Variants in ATP5F1A observed in about 807,000 individuals in gnomAD.
ATP5F1A encodes ATP synthase F1 subunit alpha.
In ATP5F1A, 24 loss-of-function variants were observed where a neutral mutation model predicts 57.4. The ratio of observed to expected loss-of-function variants is 0.42; its 90% CI spans 0.30 to 0.59. The LOEUF (loss-of-function observed/expected upper bound fraction) is 0.59, where lower values mean the gene tolerates loss of function less well. Among genes scored for constraint, ATP5F1A ranks in the 20% least tolerant of loss-of-function variants. The probability of loss-of-function intolerance (pLI) is 0.19; values close to 1 mark genes in which losing one functional copy is unlikely to be tolerated. For missense variants in ATP5F1A, 494 were observed against 707.9 expected, an observed-to-expected ratio of 0.70 and a Z score of 3.43; for synonymous variants, 251 against 255.5, an observed-to-expected ratio of 0.98 and a Z score of 0.17.
chr18:46,087,124 T>G lies in ATP5F1A; in HGVS notation c.1060A>C (p.Lys354Gln). Reference protein sequence around the residue: ...LHSRLLERAAKMNDAFGGGSL... With the variant: ...LHSRLLERAAQMNDAFGGGSL... ...CCACCACCAAAAGCATCGTTCATTT[T>G]GGCTGCTCTCTCCAGCAACCGGGAG... The change falls in exon 8 of 12, where the codon AAA (lysine) becomes CAA (glutamine). Residue 354 changes from lysine (K) to glutamine (Q), a missense_variant. Lys to Gln is a moderately conservative substitution (Grantham distance 53, BLOSUM62 1). Coordinates refer to ENST00000398752, the MANE Select transcript of ATP5F1A (RefSeq NM_004046.6). 6.2e-7 allele frequency: 1 copy of G among 1,614,186 alleles called. No individual in the cohort carries two copies. The highest frequency in any genetic ancestry group is 8.5e-7 in the Non-Finnish European group (1 of 1,179,988).
intron 1 of ATP5F1A, among the ~76,000 whole-genome samples, chr18:46,096,648 AAAG>A (rs1259322787): frequency 3.3e-5 from 5 of 150,682 alleles, no homozygotes; most frequent in Non-Finnish European, 7.4e-5. Context: ...GGCAAAACTC[AAAG>A]TAGTTCCAAT....
intron 5 of ATP5F1A, 104 bp downstream of exon 5, chr18:46,089,462 A>T: frequency 7.6e-7 from 1 of 1,322,990 alleles, no homozygotes. Flanking sequence ...TCCTCGTATT[A>T]GATTCTAATG....
intron 1 of ATP5F1A, among the ~76,000 whole-genome samples, chr18:46,095,498 G>C (rs375748107): frequency 3.3e-5 from 5 of 151,580 alleles, no homozygotes; most frequent in East Asian, 2.0e-4. Context: ...TATATTTTTA[G>C]TAGAGACGGG....
chr18:46,099,991 C>T (rs1008821325), upstream of ATP5F1A, among the ~76,000 whole-genome samples: 1 of 152,000 alleles, frequency 6.6e-6, no homozygotes, highest in African/African-American at 2.4e-5. Context: ...TGGCTCACGC[C>T]TGTAATCCCA....
chr18:46,098,366 CCTCT>C (rs58640910), upstream of ATP5F1A: 2,163 of 1,253,144 alleles, frequency 1.7e-3, 45 homozygotes, highest in African/African-American at 0.033. Context: ...GCGTTCACCA[CCTCT>C]CCCCCCGCCC....
intron 1 of ATP5F1A, among the ~76,000 whole-genome samples, chr18:46,097,247 GGTT>G (rs1332620273): frequency 2.0e-5 from 3 of 151,932 alleles, no homozygotes; most frequent in East Asian, 1.9e-4. Flanking sequence ...TGCTACCAGC[GGTT>G]GTTAAGGCAG....
At chr18:46,086,776 G>T in intron 8 of ATP5F1A, 2 of 607,880 alleles carry the variant, frequency 3.3e-6, no homozygotes, top group Non-Finnish European at 2.9e-6. Context: ...AGGGAGAACA[G>T]TAGTGGTTAA....
At chr18:46,101,344 C>G (rs1056404758), upstream of ATP5F1A, among the ~76,000 whole-genome samples, 3 of 151,724 alleles carry the variant, frequency 2.0e-5, no homozygotes, top group Admixed American at 6.6e-5. Flanking sequence ...GCAGGCAGAT[C>G]GCCTGAGGTC....
rs778023531 is a variant in ATP5F1A at position 46,095,045 on chromosome 18, T to C, written c.139+8A>G. 2.5e-6 allele frequency: 4 copies of C among 1,609,368 alleles called. No homozygotes were observed. In the South Asian group the frequency reaches 4.4e-5, roughly 18 times the overall value. ...AAGTGCGGCGTAGACTGAGAAATAA[T>C]AACTTACCAGTCTTTTGAAGATGAG... On this transcript the variant is annotated splice_region_variant and intron_variant, in intron 2 of 11. Coordinates refer to ENST00000398752, the MANE Select transcript of ATP5F1A (RefSeq NM_004046.6).
At chr18:46,100,071 C>A (rs1353647484), upstream of ATP5F1A, among the ~76,000 whole-genome samples, 1 of 151,256 alleles carries the variant, frequency 6.6e-6, no homozygotes, top group Admixed American at 6.6e-5. Flanking sequence ...GCCAACATGG[C>A]AAAACCCCAT....
chr18:46,098,241 T>A lies in ATP5F1A; in HGVS notation c.-10A>T. On this transcript the variant is annotated 5_prime_UTR_variant, in exon 1 of 12. Transcript: ENST00000398752. Reference sequence around the variant, plus strand: ...CGCGCACGGACAGCATCTTTGCAGTTACTCCGCAGGCGGTACTTCTGCAGC... The same window carrying A: ...CGCGCACGGACAGCATCTTTGCAGTAACTCCGCAGGCGGTACTTCTGCAGC... 5 of 1,604,582 alleles carry A rather than the reference T, an allele frequency of 3.1e-6. No individual in the cohort carries two copies. The highest frequency in any genetic ancestry group is 2.5e-6 in the Non-Finnish European group (3 of 1,178,462).
intron 2 of ATP5F1A, among the ~76,000 whole-genome samples, chr18:46,093,596 G>A (rs1388491555): frequency 6.6e-6 from 1 of 152,092 alleles, no homozygotes; most frequent in Non-Finnish European, 1.5e-5. Context: ...GGCCAAGGTA[G>A]ACGGATCCCC....
intron 6 of ATP5F1A, 98 bp downstream of exon 6, chr18:46,088,011 A>G: frequency 7.5e-7 from 1 of 1,340,234 alleles, no homozygotes. Flanking sequence ...GCCCATTAGG[A>G]AGTAATTAAA....
upstream of ATP5F1A, among the ~76,000 whole-genome samples, chr18:46,102,608 GGCACCGCATCCA>G (rs1911309077): frequency 6.6e-6 from 1 of 151,496 alleles, no homozygotes; most frequent in South Asian, 2.1e-4. Context: ...ATAGGTGTGA[GGCACCGCATCCA>G]GCCAGAGCAG....
intron 2 of ATP5F1A, 99 bp from the exon 3 acceptor site, chr18:46,091,950 A>G (rs1910585818): frequency 2.5e-6 from 3 of 1,192,654 alleles, no homozygotes; most frequent in Non-Finnish European, 3.5e-6. Flanking sequence ...AGGCAGGCAG[A>G]TCACCTAAGG....
At chr18:46,100,265 A>AAG (rs1911234992), upstream of ATP5F1A, among the ~76,000 whole-genome samples, 1 of 151,002 alleles carries the variant, frequency 6.6e-6, no homozygotes, top group Non-Finnish European at 1.5e-5. Flanking sequence ...AAAAAAAAAA[A>AAG]AAAAAAAGAA....
In ATP5F1A at chr18:46,087,392, A is replaced by G. The variant is rs1599772010; in HGVS notation, c.900T>C (p.Phe300=). 6.2e-7 allele frequency: 1 copy of G among 1,614,210 alleles called. No homozygotes were observed. The highest frequency in any genetic ancestry group is 1.1e-5 in the South Asian group (1 of 91,074). Residue 300 remains phenylalanine, a synonymous_variant, in exon 7 of 12, where the codon TTT becomes TTC. Transcript: ENST00000398752. ...TCAAAGCATGTTTGCCATTGTCTCT[A>G]AAATACTCTCCCATGGAACAGCCAG... is the stretch of plus-strand genomic sequence containing the variant. The part of the protein sequence containing the change: ...PYSGCSMGEY[F]RDNGKHALII...
chr18:46,094,306 C>G (rs545058998), intron 2 of ATP5F1A, among the ~76,000 whole-genome samples: 2 of 152,238 alleles, frequency 1.3e-5, no homozygotes, highest in South Asian at 4.1e-4. Context: ...CCCCACTTCT[C>G]TACTGCATCT....
At chr18:46,101,272 A>T (rs984878711), upstream of ATP5F1A, among the ~76,000 whole-genome samples, 2 of 151,752 alleles carry the variant, frequency 1.3e-5, no homozygotes, top group East Asian at 2.0e-4. Flanking sequence ...TATCGTTTCT[A>T]AAAACAACAA....
Sources: gnomAD v4.1 joint callset for allele counts (sites outside exome capture counted in the v4.1 genomes callset) on GRCh38, gnomAD v4.1.1 for gene constraint, MANE v1.5 for transcripts, NCBI Gene and HGNC (gene_info 2026-07-23, HGNC 2026-07-21) for gene names.